The following GNPNAT1 variants were observed in gnomAD, a reference collection of about 807,000 sequenced individuals.
The protein encoded by GNPNAT1 is glucosamine-phosphate N-acetyltransferase 1.
A neutral mutation model predicts 19.8 loss-of-function variants in GNPNAT1; 11 were observed. That is an observed-to-expected ratio of 0.56 (90% CI 0.35 to 0.92). The LOEUF (loss-of-function observed/expected upper bound fraction) is 0.92. Ranked by LOEUF, GNPNAT1 falls within the 40% of genes least tolerant of loss-of-function variation. The pLI is 0.01. For missense variants in GNPNAT1, 157 were observed against 211.0 expected (o/e 0.74, Z 1.59); for synonymous variants, 71 against 72.3 (o/e 0.98, Z 0.09).
chr14:52,778,566 G>C, intron 5 of GNPNAT1, 108 bp from the exon 6 acceptor site: 2 of 961,116 alleles, frequency 2.1e-6, no homozygotes, highest in Middle Eastern at 3.3e-4. Context: ...CTTAGAAACA[G>C]GTTTAGATTA....
chr14:52,778,415 A>C lies in GNPNAT1; in HGVS notation c.451T>G (p.Tyr151Asp), dbSNP rs1882793081. 6.2e-7 allele frequency: 1 copy of C among 1,610,518 alleles called. No homozygotes were observed. Among genetic ancestry groups the C allele is most frequent in the African/African-American group, 1.3e-5 (1 of 74,712 alleles). Reference protein sequence around the residue: ...LTLLSKKLNCYKITLECLPQN... With the variant: ...LTLLSKKLNCDKITLECLPQN... ...GGTAGACATTCAAGGGTAATCTTGT[A>C]ACAGTTCAGTTTCTTGCTTAGCAAA... is the stretch of plus-strand genomic sequence containing the variant. The change falls in exon 6 of 6, where the codon TAC (tyrosine) becomes GAC (aspartate). Residue 151 changes from tyrosine (Y) to aspartate (D), a missense_variant. Physicochemically the swap from Tyr to Asp is radical, Grantham distance 160 (BLOSUM62 -3). Coordinates refer to ENST00000216410, the MANE Select transcript of GNPNAT1 (RefSeq NM_198066.4).
intron 1 of GNPNAT1, among the ~76,000 whole-genome samples, chr14:52,786,857 A>ATTTTTTTT (rs567085170): frequency 8.1e-5 from 8 of 98,682 alleles, no homozygotes; most frequent in Admixed American, 1.2e-4. Flanking sequence ...CAGGTTTTGG[A>ATTTTTTTT]TTTTTTTTTT....
chr14:52,781,936 T>C (rs768853134), intron 3 of GNPNAT1, 25 bp from the exon 4 acceptor site: 46 of 1,584,518 alleles, frequency 2.9e-5, no homozygotes, highest in Middle Eastern at 3.5e-4. Context: ...TAACAAAGTG[T>C]TACATAGTAG....
chr14:52,778,475 G>T lies in GNPNAT1; in HGVS notation c.408-17C>A. 6.3e-7 allele frequency: 1 copy of T among 1,595,414 alleles called. No homozygotes were observed. The highest frequency in any genetic ancestry group is 8.5e-7 in the Non-Finnish European group (1 of 1,171,916). ...GATAATAACCTGAAATTTAAAAAGG[G>T]GGTAGGGTGAGGAGATAGCATTTAT... On this transcript the variant is annotated splice_polypyrimidine_tract_variant and intron_variant, in intron 5 of 5. Coordinates refer to ENST00000216410, the MANE Select transcript of GNPNAT1 (RefSeq NM_198066.4).
In GNPNAT1 at chr14:52,776,069, G is replaced by A. The variant is rs940049766; in HGVS notation, c.*2242C>T. 6.6e-6 allele frequency: 1 copy of A among 152,226 alleles called. No individual in the cohort carries two copies. Among genetic ancestry groups the A allele is most frequent in the African/African-American group, 2.4e-5 (1 of 41,398 alleles). The allele number at this position is 152,226 out of a possible 1,614,324, so 9.4% of individuals were successfully genotyped here. On this transcript the variant is annotated 3_prime_UTR_variant, in exon 6 of 6. Coordinates refer to ENST00000216410, the MANE Select transcript of GNPNAT1 (RefSeq NM_198066.4). ...CACCTATAGTCCCAGCCACATGGGAGGCTGAGGTGGAAGGATCATTTGAGC... is the reference window on the plus strand; with the variant it reads ...CACCTATAGTCCCAGCCACATGGGAAGCTGAGGTGGAAGGATCATTTGAGC...
chr14:52,789,505 A>C (rs541904185), intron 1 of GNPNAT1, among the ~76,000 whole-genome samples: 49 of 152,182 alleles, frequency 3.2e-4, no homozygotes, highest in Non-Finnish European at 5.1e-4. Context: ...TAACATCAAA[A>C]ATTTTTTTAT....
chr14:52,789,555 T>G (rs1212938100), intron 1 of GNPNAT1, among the ~76,000 whole-genome samples: 1 of 152,180 alleles, frequency 6.6e-6, no homozygotes, highest in African/African-American at 2.4e-5. Context: ...AAGGCCCACT[T>G]TAGCTCACTC....
chr14:52,781,822 G>A lies in GNPNAT1; in HGVS notation c.307C>T (p.Leu103=). Residue 103 remains leucine (L), a synonymous_variant, in exon 4 of 6, where the codon CTG becomes TTG. Transcript: ENST00000216410. The stretch of plus-strand genomic sequence containing the variant: ...TGGATGAATTTATGTTCTATAATCA[G>A]AGTTGCCGTAGCAACAATCTGTCCT... ...TLGQIVATAT[L]IIEHKFIHSC... 1.2e-6 allele frequency: 2 copies of A among 1,605,888 alleles called. No homozygotes were observed. Among genetic ancestry groups the A allele is most frequent in the South Asian group, 2.2e-5 (2 of 89,754 alleles).
At position 52,783,483 on chromosome 14, in the gene GNPNAT1, A is replaced by G. The variant is rs1306797225; in HGVS notation, c.157T>C (p.Phe53Leu). The G allele has an allele frequency of 1.2e-6, 2 of 1,606,878 alleles. No individual in the cohort carries two copies. Among genetic ancestry groups the G allele is most frequent in the Non-Finnish European group, 1.7e-6 (2 of 1,174,086 alleles). The change falls in exon 3 of 6, where the codon TTT becomes CTT. Residue 53 changes from phenylalanine (F) to leucine (L), a missense_variant and splice_region_variant. Transcript: ENST00000216410. ...PLCTADLNRGFFKVLGQLTET... is the reference protein window; with the variant it reads ...PLCTADLNRGLFKVLGQLTET... The stretch of plus-strand genomic sequence containing the variant: ...GTTAGCTGACCCAATACCTTAAAAA[A>G]ACCTAGTTTTGAAAAACAGATTTCA...
At position 52,777,380 on chromosome 14, in the gene GNPNAT1, C is replaced by G. The variant is rs1882760281; in HGVS notation, c.*931G>C. 1 of 151,912 alleles carries G rather than the reference C, an allele frequency of 6.6e-6. No homozygotes were observed. The highest frequency in any genetic ancestry group is 2.4e-5 in the African/African-American group (1 of 41,080). 9.4% of individuals were successfully genotyped at this position (151,912 alleles called of 1,614,324 possible). On this transcript the variant is annotated 3_prime_UTR_variant, in exon 6 of 6. Coordinates refer to ENST00000216410, the MANE Select transcript of GNPNAT1 (RefSeq NM_198066.4). ...AATAGGATAATGACCAGAATAGTGC[C>G]ATTATAATCACATCAAAAAGCTTCC... is the stretch of plus-strand genomic sequence containing the variant.
At position 52,778,078 on chromosome 14, in the gene GNPNAT1, T is replaced by C. The variant is rs1419599180; in HGVS notation, c.*233A>G. 2 of 287,078 alleles carry C rather than the reference T, an allele frequency of 7.0e-6. No individual in the cohort carries two copies. Among genetic ancestry groups the C allele is most frequent in the East Asian group, 6.3e-5 (1 of 15,914 alleles). 17.8% of individuals were successfully genotyped at this position (287,078 alleles called of 1,614,324 possible). The stretch of plus-strand genomic sequence containing the variant: ...CAAGAAAAGATTCAAGTTAAAAATA[T>C]ATTCCTTTGGTTAAAAATCATCCCC... On this transcript the variant is annotated 3_prime_UTR_variant, in exon 6 of 6. Coordinates refer to ENST00000216410, the MANE Select transcript of GNPNAT1 (RefSeq NM_198066.4).
chr14:52,789,285 G>C (rs888398732), intron 1 of GNPNAT1, among the ~76,000 whole-genome samples: 1 of 152,192 alleles, frequency 6.6e-6, no homozygotes, highest in Non-Finnish European at 1.5e-5. Flanking sequence ...CTGCTAGGTA[G>C]TATGACTTCA....
chr14:52,785,897 G>A (rs1883004496), intron 1 of GNPNAT1, among the ~76,000 whole-genome samples: 1 of 150,136 alleles, frequency 6.7e-6, no homozygotes, highest in Admixed American at 6.6e-5. Flanking sequence ...ACAGGCACCT[G>A]CCACCACGCC....
chr14:52,783,821 T>C (rs1336616374), intron 2 of GNPNAT1, among the ~76,000 whole-genome samples: 2 of 152,176 alleles, frequency 1.3e-5, no homozygotes, highest in Admixed American at 6.5e-5. Context: ...AAATATGTGA[T>C]TTGGTTTTAC....
At chr14:52,779,676 G>A (rs1377756054) in intron 5 of GNPNAT1, among the ~76,000 whole-genome samples, 2 of 118,990 alleles carry the variant, frequency 1.7e-5, no homozygotes, top group East Asian at 2.9e-4. Flanking sequence ...AGCTGTGATC[G>A]TACCACTGTA....
intron 1 of GNPNAT1, among the ~76,000 whole-genome samples, chr14:52,786,278 G>A (rs539133022): frequency 3.9e-5 from 6 of 151,958 alleles, no homozygotes; most frequent in Admixed American, 3.3e-4. Flanking sequence ...GCAGAGGCAG[G>A]TAGATCACCA....
At chr14:52,780,549 C>A in intron 5 of GNPNAT1, 130 bp downstream of exon 5, 1 of 615,008 alleles carries the variant, frequency 1.6e-6, no homozygotes, top group Admixed American at 2.7e-5. Flanking sequence ...TCATGAAATT[C>A]AGTCTAAACT....
chr14:52,782,747 C>T (rs943409223), intron 3 of GNPNAT1, among the ~76,000 whole-genome samples: 1 of 151,860 alleles, frequency 6.6e-6, no homozygotes, highest in African/African-American at 2.4e-5. Flanking sequence ...TCAGGAGGGT[C>T]AAATAGAATT....
chr14:52,789,820 A>G (rs1883114010), intron 1 of GNPNAT1, among the ~76,000 whole-genome samples: 1 of 152,168 alleles, frequency 6.6e-6, no homozygotes, highest in Non-Finnish European at 1.5e-5. Flanking sequence ...GATGAACTTT[A>G]AACACTAATC....
Sources: allele counts gnomAD v4.1 joint callset (sites outside exome capture counted in the v4.1 genomes callset), GRCh38; gene constraint gnomAD v4.1.1; transcripts MANE v1.5; gene names NCBI Gene and HGNC (gene_info 2026-07-23, HGNC 2026-07-21).